ATF7: variants seen among roughly 807,000 people sequenced by gnomAD.
ATF7 encodes cyclic AMP-dependent transcription factor ATF-7.
A neutral mutation model predicts 50.4 loss-of-function variants in ATF7; 10 were observed. The observed-to-expected ratio is 0.20, with a 90% CI of 0.12 to 0.34. The LOEUF is 0.34. ATF7 is among the 10% of genes least tolerant of loss of function. The pLI, the probability that ATF7 is intolerant of heterozygous loss-of-function variation, is 1.00. For synonymous variants in ATF7, 201 were observed against 226.4 expected, an observed-to-expected ratio of 0.89 and a Z score of 1.01; for missense variants, 465 against 613.9, an observed-to-expected ratio of 0.76 and a Z score of 2.56.
At chr12:53,620,348 G>A (rs1173817609) in intron 1 of ATF7, among the ~76,000 whole-genome samples, 3 of 151,528 alleles carry the variant, frequency 2.0e-5, no homozygotes, top group Non-Finnish European at 4.4e-5. Context: ...AGGCCGAGGC[G>A]GGCGGATCAC....
chr12:53,585,150 T>G (rs540612053), intron 2 of ATF7, among the ~76,000 whole-genome samples: 2 of 152,244 alleles, frequency 1.3e-5, no homozygotes, highest in Admixed American at 1.3e-4. Flanking sequence ...TTTTTAATTT[T>G]TTTTTTGTAA....
intron 3 of ATF7, among the ~76,000 whole-genome samples, chr12:53,545,749 G>A (rs1344082622): frequency 6.6e-6 from 1 of 152,162 alleles, no homozygotes; most frequent in Non-Finnish European, 1.5e-5. Flanking sequence ...TAGGAGTACT[G>A]CCCAGATTTA....
At chr12:53,541,235 A>G (rs1011342272) in intron 4 of ATF7, among the ~76,000 whole-genome samples, 13 of 152,254 alleles carry the variant, frequency 8.5e-5, no homozygotes, top group Middle Eastern at 3.4e-3. Flanking sequence ...ATTTTTTCTT[A>G]AATATAGGGA....
At chr12:53,558,093 A>G (rs1940862277) in intron 2 of ATF7, among the ~76,000 whole-genome samples, 1 of 152,222 alleles carries the variant, frequency 6.6e-6, no homozygotes, top group Non-Finnish European at 1.5e-5. Context: ...GGGAATTTTA[A>G]TCATGTACCA....
Position 53,561,609 on chromosome 12 carries a change from A to G in ATF7, c.49-8972T>C, listed in dbSNP as rs542496406. 3.9e-4 allele frequency among the ~76,000 whole-genome samples: 59 copies of G among 152,304 alleles called. 1 individual carries two copies. In the East Asian group the frequency reaches 0.011, roughly 29 times the overall value. The stretch of plus-strand genomic sequence containing the variant: ...AAAGCAGGGAAAGGGAGAAGAAGGA[A>G]GGGATTAAATACACACATACTTCAA... On this transcript the variant is annotated intron_variant, in intron 2 of 11. Coordinates refer to ENST00000420353, the MANE Select transcript of ATF7 (RefSeq NM_006856.3).
chr12:53,573,938 A>T (rs932542038), intron 2 of ATF7, among the ~76,000 whole-genome samples: 4 of 152,232 alleles, frequency 2.6e-5, no homozygotes, highest in African/African-American at 9.6e-5. Flanking sequence ...TTGAGACCTA[A>T]TCATACGACA....
chr12:53,608,243 A>C (rs919641404), intron 1 of ATF7, among the ~76,000 whole-genome samples: 5 of 151,132 alleles, frequency 3.3e-5, no homozygotes, highest in African/African-American at 1.2e-4. Context: ...AAAAAGAAAG[A>C]AGTCTGAGTT....
chr12:53,552,626 G>A lies in ATF7; in HGVS notation c.60C>T (p.Asn20=), dbSNP rs33921258. 146,391 of 1,612,392 alleles carry A rather than the reference G, an allele frequency of 0.091. 7,494 individuals are homozygous for A. The highest frequency in any genetic ancestry group is 0.1 in the Non-Finnish European group (123,442 of 1,178,552). The change falls in exon 3 of 12, where the codon AAC becomes AAT. Residue 20 remains asparagine, a synonymous_variant. Transcript: ENST00000420353. The part of the protein sequence containing the change: ...NAPGCGQRFT[N]EDHLAVHKHK... ...GTTTATGAACTGCCAGGTGGTCCTC[G>A]TTTGTAAATCTCTGAAACGAAACAG...
chr12:53,619,349 G>A (rs1944278486), intron 1 of ATF7, among the ~76,000 whole-genome samples: 1 of 151,698 alleles, frequency 6.6e-6, no homozygotes, highest in Non-Finnish European at 1.5e-5. Flanking sequence ...TTAGCCAGGC[G>A]TGGTGGCATG....
chr12:53,573,512 T>A (rs1941887044), intron 2 of ATF7, among the ~76,000 whole-genome samples: 1 of 152,234 alleles, frequency 6.6e-6, no homozygotes, highest in Non-Finnish European at 1.5e-5. Flanking sequence ...TTTTGCCTTT[T>A]TGAATTCTGC....
intron 2 of ATF7, among the ~76,000 whole-genome samples, chr12:53,583,092 C>T (rs1469346288): frequency 1.3e-5 from 2 of 152,086 alleles, no homozygotes; most frequent in African/African-American, 4.8e-5. Context: ...TAAAATGGAT[C>T]ACAGACCTAA....
intron 3 of ATF7, among the ~76,000 whole-genome samples, chr12:53,547,283 C>CTTTTTTT (rs34610513): frequency 3.2e-5 from 2 of 62,544 alleles, no homozygotes; most frequent in African/African-American, 6.4e-5. Context: ...CGTGCCCAGC[C>CTTTTTTT]TTTTTTTTTT....
At chr12:53,600,401 C>T (rs985655636) in intron 2 of ATF7, among the ~76,000 whole-genome samples, 1 of 151,716 alleles carries the variant, frequency 6.6e-6, no homozygotes, top group African/African-American at 2.4e-5. Context: ...AGTGCAGTCG[C>T]ACAATTTCGG....
At chr12:53,604,048 T>C (rs535642280) in intron 1 of ATF7, among the ~76,000 whole-genome samples, 5 of 152,302 alleles carry the variant, frequency 3.3e-5, no homozygotes, top group East Asian at 1.9e-4. Flanking sequence ...CAGTGTGTCA[T>C]CTCCTTCCCA....
chr12:53,517,878 T>C (rs1937817694), intron 11 of ATF7, among the ~76,000 whole-genome samples: 1 of 152,212 alleles, frequency 6.6e-6, no homozygotes. Flanking sequence ...TTTATTTTTT[T>C]TCCTAAGACT....
chr12:53,583,465 T>A (rs1942530709), intron 2 of ATF7, among the ~76,000 whole-genome samples: 1 of 151,910 alleles, frequency 6.6e-6, no homozygotes, highest in Non-Finnish European at 1.5e-5. Context: ...TATGGTGAGT[T>A]GTATAATTAT....
downstream of ATF7, among the ~76,000 whole-genome samples, chr12:53,510,375 G>A (rs898155474): frequency 2.0e-5 from 3 of 152,272 alleles, no homozygotes; most frequent in Non-Finnish European, 2.9e-5. Flanking sequence ...TCAAGGCCAC[G>A]GGGAGATGGC....
intron 2 of ATF7, among the ~76,000 whole-genome samples, chr12:53,594,633 A>G (rs1332875963): frequency 6.6e-6 from 1 of 152,204 alleles, no homozygotes; most frequent in African/African-American, 2.4e-5. Context: ...TACGCCTGTA[A>G]TCTCAGCACT....
At chr12:53,574,051 C>A (rs533848031) in intron 2 of ATF7, among the ~76,000 whole-genome samples, 5 of 152,296 alleles carry the variant, frequency 3.3e-5, no homozygotes, top group Admixed American at 1.3e-4. Flanking sequence ...CACCTTTCAA[C>A]AGAAAATTGT....
Sources: gnomAD v4.1 joint callset for allele counts (sites outside exome capture counted in the v4.1 genomes callset) on GRCh38, gnomAD v4.1.1 for gene constraint, MANE v1.5 for transcripts, NCBI Gene and HGNC (gene_info 2026-07-23, HGNC 2026-07-21) for gene names.